ASTN2: variants seen among roughly 807,000 people sequenced by gnomAD.
ASTN2 encodes the protein astrotactin 2, also known as astrotactin-2.
A neutral mutation model predicts 139.8 loss-of-function variants in ASTN2; 54 were observed. That is an observed-to-expected ratio of 0.39 (90% CI 0.31 to 0.48). The LOEUF is 0.48. Among genes scored for constraint, ASTN2 ranks in the 20% least tolerant of loss-of-function variants. The pLI is 0.95. For missense variants in ASTN2, 1,565 were observed against 1,725.1 expected, an observed-to-expected ratio of 0.91 and a Z score of 1.64; for synonymous variants, 756 against 719.5, an observed-to-expected ratio of 1.05 and a Z score of -0.81.
chr9:116,572,448 G>A (rs1321926057), intron 19 of ASTN2, among the ~76,000 whole-genome samples: 1 of 152,240 alleles, frequency 6.6e-6, no homozygotes, highest in Non-Finnish European at 1.5e-5. Context: ...AGGGACTTTA[G>A]GAGAGGAATG....
chr9:116,968,619 C>T (rs1363928022), intron 10 of ASTN2, among the ~76,000 whole-genome samples: 1 of 152,146 alleles, frequency 6.6e-6, no homozygotes, highest in Admixed American at 6.5e-5. Flanking sequence ...TTCCTCCTGG[C>T]TGGGTGTGGT....
chr9:116,768,539 T>C (rs897580559), intron 13 of ASTN2, among the ~76,000 whole-genome samples: 1 of 152,178 alleles, frequency 6.6e-6, no homozygotes, highest in African/African-American at 2.4e-5. Context: ...CCCTAGACAA[T>C]TGCTATGGTC....
In ASTN2 at chr9:117,164,635, T is replaced by C. The variant is rs148050533; in HGVS notation, c.1016-23157A>G. 1.7e-4 allele frequency among the ~76,000 whole-genome samples: 26 copies of C among 152,190 alleles called. No homozygotes were observed. The East Asian group carries it at 4.7e-3, about 27-fold the overall frequency. ...ATTTGAGGTTGTGAATGAAGCATCCTTATGAAACATGGGCCTGAGCTGAAG... is the reference window on the plus strand; with the variant it reads ...ATTTGAGGTTGTGAATGAAGCATCCCTATGAAACATGGGCCTGAGCTGAAG... On this transcript the variant is annotated intron_variant, in intron 3 of 22. Coordinates refer to ENST00000313400, the MANE Select transcript of ASTN2 (RefSeq NM_001365068.1).
At chr9:116,791,005 AAGAAAGAAAGAAAG>A (rs1251112844) in intron 13 of ASTN2, among the ~76,000 whole-genome samples, 5 of 124,762 alleles carry the variant, frequency 4.0e-5, no homozygotes, top group Non-Finnish European at 6.7e-5. Context: ...GAAAGAAAGA[AAGAAAGAAAGAAAG>A]AAAGAAAGAA....
intron 16 of ASTN2, among the ~76,000 whole-genome samples, chr9:116,657,888 ATTT>A (rs113620338): frequency 7.4e-6 from 1 of 135,042 alleles, no homozygotes; most frequent in Admixed American, 7.4e-5. Flanking sequence ...AAGTAGCAAG[ATTT>A]TTTTTTTTTT....
At chr9:116,720,663 A>G (rs1828447398) in intron 16 of ASTN2, among the ~76,000 whole-genome samples, 1 of 151,908 alleles carries the variant, frequency 6.6e-6, no homozygotes, top group Non-Finnish European at 1.5e-5. Context: ...CAATTCTTTC[A>G]CATACACACA....
chr9:117,254,489 A>G (rs1389180608), intron 2 of ASTN2, among the ~76,000 whole-genome samples: 1 of 152,184 alleles, frequency 6.6e-6, no homozygotes, highest in Non-Finnish European at 1.5e-5. Flanking sequence ...GGTGAGACCC[A>G]GGGTTAGACA....
At chr9:116,799,185 C>T (rs1301759679) in intron 13 of ASTN2, among the ~76,000 whole-genome samples, 1 of 152,074 alleles carries the variant, frequency 6.6e-6, no homozygotes, top group East Asian at 1.9e-4. Flanking sequence ...TAGGCCACAA[C>T]AGCTTTGGAG....
At chr9:117,338,506 TAAGAA>T (rs1828963025) in intron 1 of ASTN2, among the ~76,000 whole-genome samples, 1 of 152,144 alleles carries the variant, frequency 6.6e-6, no homozygotes, top group South Asian at 2.1e-4. Context: ...TGGGCACACA[TAAGAA>T]AAGGTCCTTT....
chr9:116,480,833 A>G (rs1849144651), intron 20 of ASTN2, among the ~76,000 whole-genome samples: 1 of 152,124 alleles, frequency 6.6e-6, no homozygotes, highest in African/African-American at 2.4e-5. Flanking sequence ...AGTGGTGGGT[A>G]GGGGCAAGTG....
chr9:117,041,705 T>C (rs1260796443), intron 5 of ASTN2, among the ~76,000 whole-genome samples: 7 of 152,182 alleles, frequency 4.6e-5, no homozygotes, highest in African/African-American at 1.7e-4. Flanking sequence ...AGGCCTTTCA[T>C]GAAGACTCCC....
At chr9:117,347,809 G>A (rs1359515863) in intron 1 of ASTN2, among the ~76,000 whole-genome samples, 1 of 152,096 alleles carries the variant, frequency 6.6e-6, no homozygotes, top group Non-Finnish European at 1.5e-5. Flanking sequence ...ATCTCTCCTT[G>A]TGCAAAGTCC....
intron 16 of ASTN2, among the ~76,000 whole-genome samples, chr9:116,689,586 C>T (rs1427023020): frequency 2.6e-5 from 4 of 152,138 alleles, no homozygotes; most frequent in Non-Finnish European, 5.9e-5. Flanking sequence ...TCTGTAACTC[C>T]GTATATTCCC....
intron 19 of ASTN2, among the ~76,000 whole-genome samples, chr9:116,567,650 AAGACCAGTAAGAGGTGGTTTAAATAAG>A (rs780306759): frequency 6.6e-6 from 1 of 152,188 alleles, no homozygotes; most frequent in Non-Finnish European, 1.5e-5. Flanking sequence ...AGAAGACAGC[AAGACCAGTAAGAGGTGGTTTAAATAAG>A]AGACATAAAG....
chr9:116,799,708 G>GGGA (rs72421356), intron 13 of ASTN2, among the ~76,000 whole-genome samples: 2 of 143,780 alleles, frequency 1.4e-5, no homozygotes, highest in African/African-American at 5.1e-5. Flanking sequence ...TAAGAGAGTG[G>GGGA]GGGGGGGGAG....
intron 19 of ASTN2, among the ~76,000 whole-genome samples, chr9:116,499,648 T>G (rs777593421): frequency 6.6e-6 from 1 of 152,158 alleles, no homozygotes; most frequent in Non-Finnish European, 1.5e-5. Flanking sequence ...TGCCTAGGCT[T>G]ATGCAGAACA....
intron 10 of ASTN2, among the ~76,000 whole-genome samples, chr9:116,935,248 G>C (rs1468264147): frequency 1.3e-5 from 2 of 152,188 alleles, no homozygotes; most frequent in Non-Finnish European, 2.9e-5. Context: ...GAGGCTGAGA[G>C]AGTCCAGTGA....
chr9:117,408,038 C>A (rs1831047922), intron 1 of ASTN2, among the ~76,000 whole-genome samples: 1 of 152,128 alleles, frequency 6.6e-6, no homozygotes, highest in African/African-American at 2.4e-5. Context: ...TCCTTCTGCC[C>A]CAGAACAAAA....
At chr9:117,060,186 T>C (rs906395997) in intron 5 of ASTN2, among the ~76,000 whole-genome samples, 3 of 151,164 alleles carry the variant, frequency 2.0e-5, no homozygotes, top group Admixed American at 2.0e-4. Context: ...TGGTGTGCAC[T>C]TGCAGTTCCA....
Sources: allele counts gnomAD v4.1 joint callset (sites outside exome capture counted in the v4.1 genomes callset), GRCh38; gene constraint gnomAD v4.1.1; transcripts MANE v1.5; gene names NCBI Gene and HGNC (gene_info 2026-07-23, HGNC 2026-07-21).